SLC17A1: variants seen among roughly 807,000 people sequenced by gnomAD.
SLC17A1 encodes sodium-dependent phosphate transport protein 1.
SLC17A1 carries 51 observed loss-of-function variants against 53.5 expected under a neutral mutation model. The observed-to-expected ratio is 0.95, with a 90% CI of 0.76 to 1.20. The LOEUF (loss-of-function observed/expected upper bound fraction) is 1.20, where lower values mean the gene tolerates loss of function less well. SLC17A1 is among the 50% of genes most tolerant of loss of function. The probability of loss-of-function intolerance (pLI) is 0.00; values close to 1 mark genes in which losing one functional copy is unlikely to be tolerated. For missense variants in SLC17A1, 538 were observed against 568.2 expected, an observed-to-expected ratio of 0.95 and a Z score of 0.54; for synonymous variants, 179 against 198.8, an observed-to-expected ratio of 0.90 and a Z score of 0.84.
the SLC17A1 span, among the ~76,000 whole-genome samples, chr6:25,728,533 C>T: frequency 9.2e-5 from 14 of 152,028 alleles, no homozygotes; most frequent in Admixed American, 9.2e-4. Context: ...AAAGTTAGTA[C>T]CGGCCGGCGC....
chr6:25,752,818 G>A, the SLC17A1 span, among the ~76,000 whole-genome samples: 1 of 152,024 alleles, frequency 6.6e-6, no homozygotes, highest in Non-Finnish European at 1.5e-5. Flanking sequence ...TGGGCGTGGT[G>A]GCAGGCGCCT....
the SLC17A1 span, chr6:25,771,140 C>A: frequency 1.4e-6 from 1 of 739,166 alleles, no homozygotes; most frequent in Non-Finnish European, 2.3e-6. Flanking sequence ...TCAGAGCCAA[C>A]TACATTTAAC....
At chr6:25,828,087 C>G (rs1443113302) in intron 2 of SLC17A1, among the ~76,000 whole-genome samples, 1 of 152,126 alleles carries the variant, frequency 6.6e-6, no homozygotes, top group Non-Finnish European at 1.5e-5. Context: ...AAGTTATATG[C>G]CCCTAACACT....
chr6:25,764,275 G>A, the SLC17A1 span, among the ~76,000 whole-genome samples: 2 of 152,272 alleles, frequency 1.3e-5, no homozygotes, highest in South Asian at 4.1e-4. Flanking sequence ...TGTTACTGTG[G>A]AGACCAGAGA....
the SLC17A1 span, among the ~76,000 whole-genome samples, chr6:25,750,093 C>G: frequency 6.6e-6 from 1 of 152,144 alleles, no homozygotes; most frequent in Non-Finnish European, 1.5e-5. Flanking sequence ...TAGGGTGTTG[C>G]CATAGATTAA....
the SLC17A1 span, among the ~76,000 whole-genome samples, chr6:25,746,171 A>G: frequency 3.9e-5 from 6 of 152,302 alleles, no homozygotes; most frequent in African/African-American, 9.6e-5. Flanking sequence ...TATCAAATTA[A>G]CGGTATGATT....
At chr6:25,732,636 A>G in the SLC17A1 span, 1 of 1,207,392 alleles carries the variant, frequency 8.3e-7, no homozygotes, top group Admixed American at 1.8e-5. Context: ...GTTGGCGGGC[A>G]ACGCCGTCGG....
At chr6:25,785,886 T>C (rs1293250823) in intron 12 of SLC17A1, among the ~76,000 whole-genome samples, 1 of 152,116 alleles carries the variant, frequency 6.6e-6, no homozygotes, top group Non-Finnish European at 1.5e-5. Flanking sequence ...GAATGTAAAA[T>C]AGTCTGATGC....
Position 25,811,596 on chromosome 6 carries a change from G to A in SLC17A1, c.1030+42C>T. On this transcript the variant is annotated intron_variant, in intron 9 of 12. Coordinates refer to ENST00000244527, the MANE Select transcript of SLC17A1 (RefSeq NM_005074.5). ...TCAGGTGCATCCTAAAGATAGGGGAGAAGTATCTCCCAAGTGCTTAAATGT... is the reference window on the plus strand; with the variant it reads ...TCAGGTGCATCCTAAAGATAGGGGAAAAGTATCTCCCAAGTGCTTAAATGT... 4.3e-6 allele frequency: 7 copies of A among 1,613,570 alleles called. 1 individual carries two copies. Among genetic ancestry groups the A allele is most frequent in the South Asian group, 1.1e-5 (1 of 91,048 alleles).
chr6:25,774,865 C>G, the SLC17A1 span, among the ~76,000 whole-genome samples: 1 of 152,222 alleles, frequency 6.6e-6, no homozygotes, highest in Admixed American at 6.5e-5. Flanking sequence ...ACAGCCTCGG[C>G]TTACGCATCT....
intron 1 of SLC17A1, among the ~76,000 whole-genome samples, chr6:25,831,390 C>A (rs1764942820): frequency 1.3e-5 from 2 of 152,140 alleles, no homozygotes; most frequent in Admixed American, 6.5e-5. Flanking sequence ...TTTGAATAAG[C>A]AATTTGTCAA....
chr6:25,750,565 C>A, the SLC17A1 span, among the ~76,000 whole-genome samples: 37,138 of 151,490 alleles, frequency 0.25, 4,714 homozygotes, highest in Middle Eastern at 0.27. Context: ...GGTAACCATT[C>A]ATAAAAATAA....
chr6:25,724,746 T>C, the SLC17A1 span, among the ~76,000 whole-genome samples: 1 of 152,232 alleles, frequency 6.6e-6, no homozygotes, highest in Non-Finnish European at 1.5e-5. Flanking sequence ...GTTTGTCTTA[T>C]ATCCTGATTT....
chr6:25,821,643 C>T (rs1036044608), intron 3 of SLC17A1, among the ~76,000 whole-genome samples: 4 of 152,136 alleles, frequency 2.6e-5, no homozygotes, highest in Admixed American at 6.5e-5. Flanking sequence ...TGGCTTAAAG[C>T]CATCACTCTC....
At chr6:25,752,025 C>A in the SLC17A1 span, among the ~76,000 whole-genome samples, 7 of 152,178 alleles carry the variant, frequency 4.6e-5, no homozygotes, top group Non-Finnish European at 1.0e-4. Context: ...TTTTGCTTAG[C>A]CAATTAATAA....
intron 11 of SLC17A1, 70 bp from the exon 12 acceptor site, chr6:25,798,989 G>A (rs905853305): frequency 4.3e-6 from 6 of 1,401,684 alleles, no homozygotes; most frequent in Non-Finnish European, 4.8e-6. Context: ...TGTTTAAAAT[G>A]TAATATTAAA....
intron 12 of SLC17A1, among the ~76,000 whole-genome samples, chr6:25,785,378 A>C (rs1242044608): frequency 2.6e-5 from 4 of 152,188 alleles, no homozygotes; most frequent in African/African-American, 9.6e-5. Flanking sequence ...AAGAAAACTT[A>C]GGGGTACATC....
intron 3 of SLC17A1, among the ~76,000 whole-genome samples, chr6:25,821,180 T>TA (rs1764546299): frequency 1.3e-5 from 2 of 152,186 alleles, no homozygotes; most frequent in African/African-American, 4.8e-5. Flanking sequence ...GGTTGAATAT[T>TA]AAATAAAATA....
At chr6:25,738,579 C>T in the SLC17A1 span, among the ~76,000 whole-genome samples, 6,871 of 151,100 alleles carry the variant, frequency 0.045, 459 homozygotes, top group African/African-American at 0.14. Flanking sequence ...TGAAAGTCTC[C>T]GTGAAGAAAA....
Sources: gnomAD v4.1 joint callset for allele counts (sites outside exome capture counted in the v4.1 genomes callset) on GRCh38, gnomAD v4.1.1 for gene constraint, MANE v1.5 for transcripts, NCBI Gene and HGNC (gene_info 2026-07-23, HGNC 2026-07-21) for gene names.